The following SLC35F3 variants were observed in gnomAD, a reference collection of about 807,000 sequenced individuals.
SLC35F3 encodes the protein putative thiamine transporter SLC35F3.
SLC35F3 carries 25 observed loss-of-function variants against 49.9 expected under a neutral mutation model. That is an observed-to-expected ratio of 0.50 (90% confidence interval 0.37 to 0.70). The LOEUF (loss-of-function observed/expected upper bound fraction) is 0.70, where lower values mean the gene tolerates loss of function less well. Ranked by LOEUF, SLC35F3 falls within the 30% of genes least tolerant of loss-of-function variation. The probability of loss-of-function intolerance (pLI) is 0.00; values close to 1 mark genes in which losing one functional copy is unlikely to be tolerated. For synonymous variants in SLC35F3, 275 were observed against 265.4 expected, an observed-to-expected ratio of 1.04 and a Z score of -0.35; for missense variants, 525 against 639.8, an observed-to-expected ratio of 0.82 and a Z score of 1.94.
chr1:234,133,600 A>G (rs1428994966), intron 2 of SLC35F3, among the ~76,000 whole-genome samples: 1 of 152,210 alleles, frequency 6.6e-6, no homozygotes, highest in African/African-American at 2.4e-5. Context: ...CAGGTTCTCA[A>G]CACTGGCCCA....
intron 2 of SLC35F3, among the ~76,000 whole-genome samples, chr1:234,004,589 G>A (rs1384999783): frequency 6.6e-6 from 1 of 151,830 alleles, no homozygotes; most frequent in East Asian, 1.9e-4. Flanking sequence ...TCTGTATTGA[G>A]TCAAATTAAA....
chr1:234,270,619 G>T (rs1224734406), intron 3 of SLC35F3, among the ~76,000 whole-genome samples: 1 of 152,204 alleles, frequency 6.6e-6, no homozygotes, highest in Non-Finnish European at 1.5e-5. Flanking sequence ...AGTGGTAATT[G>T]CCTACAAAGC....
At chr1:234,032,735 G>A (rs1278139927) in intron 2 of SLC35F3, among the ~76,000 whole-genome samples, 1 of 152,074 alleles carries the variant, frequency 6.6e-6, no homozygotes, top group East Asian at 1.9e-4. Context: ...ATATTCCATG[G>A]TATAAGTATA....
intron 2 of SLC35F3, among the ~76,000 whole-genome samples, chr1:234,031,426 A>G (rs1664060456): frequency 6.6e-6 from 1 of 152,232 alleles, no homozygotes. Context: ...CTGATGCCAT[A>G]GAATGGTAAC....
chr1:234,142,410 G>C (rs1171612812), intron 2 of SLC35F3, among the ~76,000 whole-genome samples: 2 of 152,192 alleles, frequency 1.3e-5, no homozygotes, highest in African/African-American at 2.4e-5. Flanking sequence ...AGCAGCCTGG[G>C]AGACTAGGAA....
rs114666638 is a variant in SLC35F3 at position 234,119,699 on chromosome 1, C to T, written c.284-111718C>T. Reference sequence around the variant, plus strand: ...GCTTATATTAGATACTTAACTATTGCACTCTGTTTTATCTGTGCCAGCTAG... The same window carrying T: ...GCTTATATTAGATACTTAACTATTGTACTCTGTTTTATCTGTGCCAGCTAG... On this transcript the variant is annotated intron_variant, in intron 2 of 7. Transcript: ENST00000366618. 2.3e-3 allele frequency among the ~76,000 whole-genome samples: 348 copies of T among 152,284 alleles called. 1 individual carries two copies. The highest frequency in any genetic ancestry group is 3.8e-3 in the Non-Finnish European group (261 of 68,026).
chr1:234,294,149 C>T (rs1246061501), intron 3 of SLC35F3, among the ~76,000 whole-genome samples: 1 of 152,222 alleles, frequency 6.6e-6, no homozygotes, highest in African/African-American at 2.4e-5. Flanking sequence ...AGAGCATTGC[C>T]TACACATCTG....
intron 2 of SLC35F3, among the ~76,000 whole-genome samples, chr1:234,204,253 T>TATATATTATC (rs532830931): frequency 5.9e-5 from 9 of 152,294 alleles, no homozygotes; most frequent in South Asian, 2.1e-4. Flanking sequence ...AGAACTTTGA[T>TATATATTATC]ATATATTATC....
rs1558262564 is a variant in SLC35F3 at position 234,214,445 on chromosome 1, G to A, written c.284-16972G>A. 2 of 1,491,878 alleles carry A rather than the reference G, an allele frequency of 1.3e-6. No individual in the cohort carries two copies. Among genetic ancestry groups the A allele is most frequent in the South Asian group, 2.6e-5 (2 of 78,026 alleles). The allele number at this position is 1,491,878 out of a possible 1,614,324, so 92.4% of individuals were successfully genotyped here. A position where few individuals can be genotyped will look rare whatever the true frequency, so the allele number is the denominator to read the frequency against. On this transcript the variant is annotated intron_variant, in intron 2 of 7. Transcript: ENST00000366618. The surrounding 1 kb of genome is among the most constrained non-coding windows in gnomAD (Gnocchi z 8.0). ...GGCCCGGGAGAGACGCGCTCCAGCCGGCCCCAGGATGTAGGCGATCGGCGG... is the reference window on the plus strand; with the variant it reads ...GGCCCGGGAGAGACGCGCTCCAGCCAGCCCCAGGATGTAGGCGATCGGCGG...
intron 2 of SLC35F3, among the ~76,000 whole-genome samples, chr1:234,055,237 C>G (rs1052092503): frequency 6.6e-6 from 1 of 152,148 alleles, no homozygotes; most frequent in African/African-American, 2.4e-5. Context: ...GCCCTGCCCC[C>G]AGAGGTCTAC....
At chr1:234,108,272 A>T (rs180961102) in intron 2 of SLC35F3, among the ~76,000 whole-genome samples, 1,875 of 55,064 alleles carry the variant, frequency 0.034, 107 homozygotes, top group African/African-American at 0.11. Context: ...TATATATAAA[A>T]GATATATATT....
chr1:234,070,567 G>C (rs4920213), intron 2 of SLC35F3, among the ~76,000 whole-genome samples: 147,971 of 152,324 alleles, frequency 0.97, 71,899 homozygotes, highest in East Asian at 1. Flanking sequence ...TTATGCCTCT[G>C]TCCCATAGAC....
intron 2 of SLC35F3, among the ~76,000 whole-genome samples, chr1:234,031,391 G>GT (rs757893602): frequency 2.6e-5 from 4 of 152,158 alleles, no homozygotes; most frequent in Non-Finnish European, 4.4e-5. Flanking sequence ...TCCAGGCTGC[G>GT]TATCAATGAA....
chr1:234,234,905 G>A (rs1358477021), intron 3 of SLC35F3, among the ~76,000 whole-genome samples: 2 of 152,194 alleles, frequency 1.3e-5, no homozygotes, highest in Non-Finnish European at 2.9e-5. Context: ...CTGTGTAAAC[G>A]CGAGGAACAA....
intron 2 of SLC35F3, among the ~76,000 whole-genome samples, chr1:234,056,409 A>G (rs1017638101): frequency 6.6e-6 from 1 of 152,162 alleles, no homozygotes; most frequent in Non-Finnish European, 1.5e-5. Flanking sequence ...TCTATTTAAT[A>G]TGTACAACTC....
At chr1:234,059,944 C>T (rs1159901428) in intron 2 of SLC35F3, among the ~76,000 whole-genome samples, 2 of 152,188 alleles carry the variant, frequency 1.3e-5, no homozygotes, top group African/African-American at 4.8e-5. Flanking sequence ...GGTGGGTCTG[C>T]CTTCCCCAGC....
rs575673480 is a variant in SLC35F3, at chr1:234,217,948, C to CT, written c.284-13467dup. On this transcript the variant is annotated intron_variant, in intron 2 of 7. Transcript: ENST00000366618. ...CTGAGGCTGGGGGGATATGAGAAAG[C>CT]TTGTTGGTGCAGAGGGGAGGAGAGG... 4.3e-3 allele frequency among the ~76,000 whole-genome samples: 662 copies of CT among 152,206 alleles called. 4 individuals are homozygous for CT. The highest frequency in any genetic ancestry group is 0.015 in the African/African-American group (643 of 41,548).
intron 1 of SLC35F3, 118 bp downstream of exon 1, chr1:233,905,248 C>T: frequency 9.0e-7 from 1 of 1,108,586 alleles, no homozygotes; most frequent in Non-Finnish European, 1.3e-6. Context: ...GCGGCGCGCG[C>T]GGTGGAGCTG....
At chr1:234,321,978 C>T (rs1164105781) in intron 7 of SLC35F3, among the ~76,000 whole-genome samples, 1 of 151,858 alleles carries the variant, frequency 6.6e-6, no homozygotes, top group Non-Finnish European at 1.5e-5. Flanking sequence ...CCCAGGAGTT[C>T]TAGACCAGCC....
Sources: gnomAD v4.1 joint callset for allele counts (sites outside exome capture counted in the v4.1 genomes callset) on GRCh38, gnomAD v4.1.1 for gene constraint, Gnocchi (gnomAD v3.1) non-coding constraint, MANE v1.5 for transcripts, NCBI Gene and HGNC (gene_info 2026-07-23, HGNC 2026-07-21) for gene names.